OMA1: variants seen among roughly 807,000 people sequenced by gnomAD.
The protein encoded by OMA1 is metalloendopeptidase OMA1, mitochondrial.
Under a neutral mutation model 30.9 loss-of-function variants are expected in OMA1, and 38 were observed. The observed-to-expected ratio is 1.23, with a 90% confidence interval of 0.95 to 1.61. The LOEUF (loss-of-function observed/expected upper bound fraction) is 1.61, where lower values mean the gene tolerates loss of function less well. Ranked by LOEUF, OMA1 falls within the 40% of genes most tolerant of loss-of-function variation. The probability of loss-of-function intolerance (pLI) is 0.00; values close to 1 mark genes in which losing one functional copy is unlikely to be tolerated. For missense variants in OMA1, 461 were observed against 349.2 expected (o/e 1.32, Z -2.55); for synonymous variants, 173 against 121.9 (o/e 1.42, Z -2.76).
At chr1:58,493,156 C>A (rs925319583) in intron 8 of OMA1, among the ~76,000 whole-genome samples, 54 of 152,118 alleles carry the variant, frequency 3.5e-4, no homozygotes, top group African/African-American at 9.4e-4. Flanking sequence ...ACAGAACCAA[C>A]GAGAAAAACC....
At chr1:58,502,991 T>G (rs1401504522) in intron 8 of OMA1, among the ~76,000 whole-genome samples, 1 of 152,210 alleles carries the variant, frequency 6.6e-6, no homozygotes, top group Non-Finnish European at 1.5e-5. Flanking sequence ...CTAGCCATTT[T>G]TCTTCCTACT....
At chr1:58,532,522 AT>A (rs1557456291) in intron 5 of OMA1, among the ~76,000 whole-genome samples, 1 of 151,932 alleles carries the variant, frequency 6.6e-6, no homozygotes, top group South Asian at 2.1e-4. Flanking sequence ...AGAAAAAAAG[AT>A]TTTTTTTCTT....
At chr1:58,523,386 C>T (rs1331785132) in intron 7 of OMA1, among the ~76,000 whole-genome samples, 1 of 152,114 alleles carries the variant, frequency 6.6e-6, no homozygotes, top group Non-Finnish European at 1.5e-5. Context: ...TGGTGTAAAC[C>T]TTACAGACTT....
chr1:58,518,259 GGGAGAGGAGAGA>G (rs1405216113), intron 7 of OMA1, among the ~76,000 whole-genome samples: 1 of 24,652 alleles, frequency 4.1e-5, no homozygotes, highest in Non-Finnish European at 8.3e-5. Context: ...GAGGGGAGAG[GGGAGAGGAGAGA>G]GGAGAGGAGA....
chr1:58,546,558 C>T (rs1421099276), intron 1 of OMA1, 145 bp downstream of exon 1: 1 of 151,800 alleles, frequency 6.6e-6, no homozygotes, highest in East Asian at 2.0e-4. Context: ...CCCGTACCCC[C>T]ATCCCCAAGG....
At chr1:58,514,622 T>C (rs566596217) in intron 7 of OMA1, among the ~76,000 whole-genome samples, 1 of 152,254 alleles carries the variant, frequency 6.6e-6, no homozygotes, top group African/African-American at 2.4e-5. Context: ...GTATTCCACA[T>C]AGACATGTGA....
At chr1:58,507,562 G>A (rs554306511) in intron 7 of OMA1, among the ~76,000 whole-genome samples, 105 of 151,862 alleles carry the variant, frequency 6.9e-4, no homozygotes, top group Non-Finnish European at 1.3e-3. Context: ...ATACACTACT[G>A]CACAGATATG....
At chr1:58,526,067 T>C (rs538645659) in intron 7 of OMA1, among the ~76,000 whole-genome samples, 2 of 152,126 alleles carry the variant, frequency 1.3e-5, no homozygotes, top group South Asian at 4.1e-4. Flanking sequence ...TTATTAGAAA[T>C]AAAGCAGGAA....
intron 8 of OMA1, among the ~76,000 whole-genome samples, chr1:58,489,092 G>A (rs1446533335): frequency 1.3e-5 from 2 of 152,200 alleles, no homozygotes; most frequent in Non-Finnish European, 2.9e-5. Flanking sequence ...TTGGCCAGTG[G>A]GTGCAGGACA....
chr1:58,535,927 T>A (rs1646509279), intron 3 of OMA1, among the ~76,000 whole-genome samples: 1 of 152,170 alleles, frequency 6.6e-6, no homozygotes. Context: ...TATAAATCTA[T>A]TTATTCAATA....
intron 7 of OMA1, 29 bp from the exon 8 acceptor site, chr1:58,506,238 A>G (rs781120892): frequency 1.2e-6 from 1 of 853,554 alleles, no homozygotes; most frequent in East Asian, 2.4e-5. Flanking sequence ...AAACCACACA[A>G]TGAGCTCAGT....
chr1:58,498,356 G>A (rs1354770309), intron 8 of OMA1, among the ~76,000 whole-genome samples: 1 of 151,910 alleles, frequency 6.6e-6, no homozygotes, highest in African/African-American at 2.4e-5. Context: ...CTCATGAGAG[G>A]TTTAAATTTT....
chr1:58,512,249 T>C (rs1433888642), intron 7 of OMA1, among the ~76,000 whole-genome samples: 1 of 152,088 alleles, frequency 6.6e-6, no homozygotes, highest in Non-Finnish European at 1.5e-5. Flanking sequence ...AAAAGAGACA[T>C]CTAAGTGTTG....
At chr1:58,495,069 G>C (rs1394399543) in intron 8 of OMA1, among the ~76,000 whole-genome samples, 3 of 152,094 alleles carry the variant, frequency 2.0e-5, no homozygotes, top group African/African-American at 4.8e-5. Context: ...CACATATACA[G>C]CATGGAATAC....
intron 1 of OMA1, among the ~76,000 whole-genome samples, chr1:58,543,806 A>C (rs1187067115): frequency 6.6e-6 from 1 of 152,260 alleles, no homozygotes; most frequent in African/African-American, 2.4e-5. Flanking sequence ...TGGCAAACTC[A>C]AACGTCTAAA....
rs184298297 is a variant in OMA1 at position 58,540,736 on chromosome 1, A to C, written c.-16-1426T>G. The stretch of plus-strand genomic sequence containing the variant: ...ATAATAAAAAAAGGCACAGGGCATC[A>C]ATGAGGTATGCAATAACTTCAAGTG... On this transcript the variant is annotated intron_variant, in intron 1 of 8. Transcript: ENST00000371226. 2.6e-5 allele frequency among the ~76,000 whole-genome samples: 4 copies of C among 151,954 alleles called. No individual in the cohort carries two copies. In the East Asian group the frequency reaches 7.7e-4, roughly 29 times the overall value.
intron 1 of OMA1, chr1:58,542,611 G>A (rs1392473471): frequency 6.6e-6 from 1 of 152,172 alleles, no homozygotes; most frequent in Non-Finnish European, 1.5e-5. Context: ...AAATGGGAAA[G>A]TGTTTTAAGG....
rs147562724 is a variant in OMA1 at position 58,481,053 on chromosome 1, G to T, written c.1487C>A (p.Thr496Lys). 4.6e-6 allele frequency: 4 copies of T among 871,426 alleles called. No homozygotes were observed. In the Admixed American group the frequency reaches 5.1e-5, roughly 11 times the overall value. 54.0% of individuals were successfully genotyped at this position (871,426 alleles called of 1,614,324 possible). The change falls in exon 9 of 9, where the codon ACG becomes AAG. Residue 496 changes from threonine (T) to lysine (K), a missense_variant. Coordinates refer to ENST00000371226, the MANE Select transcript of OMA1 (RefSeq NM_145243.5). ...EESEKEDLNITKKQKMDTLPI... is the reference protein window; with the variant it reads ...EESEKEDLNIKKKQKMDTLPI... ...AAGAGTATCCATTTTCTGTTTCTTC[G>T]TGATATTTAGGTCTTCTTTCTCTGA...
intron 7 of OMA1, among the ~76,000 whole-genome samples, chr1:58,523,064 G>A (rs538064495): frequency 5.3e-5 from 8 of 152,322 alleles, no homozygotes; most frequent in African/African-American, 1.7e-4. Context: ...ATTGTCTAAT[G>A]TCAATTTGTT....
Sources: allele counts gnomAD v4.1 joint callset (sites outside exome capture counted in the v4.1 genomes callset), GRCh38; gene constraint gnomAD v4.1.1; transcripts MANE v1.5; gene names NCBI Gene and HGNC (gene_info 2026-07-23, HGNC 2026-07-21).